The following COL8A2 variants were observed in gnomAD, a reference collection of about 807,000 sequenced individuals.
The protein encoded by COL8A2 is collagen type VIII alpha 2 chain.
In COL8A2, 16 loss-of-function variants were observed where a neutral mutation model predicts 24.0. The observed-to-expected ratio is 0.67, with a 90% confidence interval of 0.45 to 1.01. The LOEUF is 1.01. COL8A2 is among the 50% of genes least tolerant of loss of function. The pLI, the probability that COL8A2 is intolerant of heterozygous loss-of-function variation, is 0.00. For synonymous variants in COL8A2, 466 were observed against 424.5 expected (o/e 1.10, Z -1.20); for missense variants, 818 against 942.4 (o/e 0.87, Z 1.73).
intron 2 of COL8A2, among the ~76,000 whole-genome samples, chr1:36,100,789 T>G (rs1200402885): frequency 6.6e-6 from 1 of 152,050 alleles, no homozygotes; most frequent in Non-Finnish European, 1.5e-5. Flanking sequence ...GGGATTTGTC[T>G]TAGGTCTGTC....
At chr1:36,114,315 T>C (rs1289551128) in intron 2 of COL8A2, among the ~76,000 whole-genome samples, 1 of 59,140 alleles carries the variant, frequency 1.7e-5, no homozygotes, top group Non-Finnish European at 3.1e-5. Context: ...CGAGACTCCA[T>C]CTCAAAAAAA....
At chr1:36,109,142 G>A (rs1279218108) in intron 2 of COL8A2, among the ~76,000 whole-genome samples, 1 of 152,208 alleles carries the variant, frequency 6.6e-6, no homozygotes, top group Admixed American at 6.5e-5. Context: ...GGGAGCGGTG[G>A]GGGCACTCAG....
chr1:36,098,204 C>T lies in COL8A2; in HGVS notation c.1477G>A (p.Gly493Arg). 6.5e-7 allele frequency: 1 copy of T among 1,538,878 alleles called. No homozygotes were observed. Among genetic ancestry groups the T allele is most frequent in the Non-Finnish European group, 8.7e-7 (1 of 1,143,524 alleles). ...KGEPGLPGPPGEGRAGEPGTA... is the reference protein window; with the variant it reads ...KGEPGLPGPPREGRAGEPGTA... ...CCAGGTTCCCCTGCTCTCCCCTCTC[C>T]AGGGGGCCCTGGCAGGCCTGGTTCC... is the stretch of plus-strand genomic sequence containing the variant. Residue 493 changes from glycine to arginine, a missense_variant, in exon 4 of 4, where the codon GGA becomes AGA. Physicochemically the swap from Gly to Arg is moderately radical, Grantham distance 125. Coordinates refer to ENST00000397799, the MANE Select transcript of COL8A2 (RefSeq NM_005202.4).
chr1:36,097,879 C>G lies in COL8A2; in HGVS notation c.1802G>C (p.Gly601Ala), dbSNP rs780560468. The change falls in exon 4 of 4, where the codon GGC (glycine) becomes GCC (alanine). Residue 601 changes from glycine to alanine, a missense_variant. Physicochemically the swap from Gly to Ala is moderately conservative, Grantham distance 60 (BLOSUM62 0). This residue lies in a region of COL8A2 where 235 missense variants were observed against 297.3 expected (regional missense o/e 0.79). Coordinates refer to ENST00000397799, the MANE Select transcript of COL8A2 (RefSeq NM_005202.4). ...PVKFDRTLYNGHSGYNPATGI... is the reference protein window; with the variant it reads ...PVKFDRTLYNAHSGYNPATGI... ...AGTGGCTGGGTTGTAGCCGCTGTGG[C>G]CATTGTAGAGAGTCCGGTCAAATTT... 2.0e-5 allele frequency: 33 copies of G among 1,612,436 alleles called. No homozygotes were observed. The African/African-American group carries it at 2.9e-4, about 14-fold the overall frequency.
intron 2 of COL8A2, among the ~76,000 whole-genome samples, chr1:36,109,390 C>G (rs561981996): frequency 1.2e-4 from 19 of 152,250 alleles, no homozygotes; most frequent in African/African-American, 4.3e-4. Flanking sequence ...GGCTCAGGCC[C>G]TCCCTATCAG....
intron 1 of COL8A2, among the ~76,000 whole-genome samples, chr1:36,124,818 G>A (rs1643940172): frequency 6.6e-6 from 1 of 152,130 alleles, no homozygotes. Flanking sequence ...TCGCTTCTGG[G>A]AGAGGAAGGG....
chr1:36,099,506 G>C lies in COL8A2; in HGVS notation c.194-19C>G. The C allele has an allele frequency of 6.7e-7, 1 of 1,498,158 alleles. No individual in the cohort carries two copies. Among genetic ancestry groups the C allele is most frequent in the Non-Finnish European group, 9.0e-7 (1 of 1,112,228 alleles). The allele number at this position is 1,498,158 out of a possible 1,614,324, so 92.8% of individuals were successfully genotyped here. ...GGCATTTCTGAGAAAGAAAGAGAAAGGGGCAGTCAGGGGCCTGAACTGTGG... is the reference window on the plus strand; with the variant it reads ...GGCATTTCTGAGAAAGAAAGAGAAACGGGCAGTCAGGGGCCTGAACTGTGG... On this transcript the variant is annotated intron_variant, in intron 3 of 3. Coordinates refer to ENST00000397799, the MANE Select transcript of COL8A2 (RefSeq NM_005202.4).
At chr1:36,108,561 C>A in intron 2 of COL8A2, among the ~76,000 whole-genome samples, 1 of 152,236 alleles carries the variant, frequency 6.6e-6, no homozygotes, top group East Asian at 1.9e-4. Context: ...GCTGCAAGTC[C>A]TTAACGGGGA....
At chr1:36,110,895 G>A (rs1392423689) in intron 2 of COL8A2, among the ~76,000 whole-genome samples, 1 of 152,176 alleles carries the variant, frequency 6.6e-6, no homozygotes, top group African/African-American at 2.4e-5. Flanking sequence ...CTCAGGACTA[G>A]GAATGAGTTA....
At position 36,099,230 on chromosome 1, in the gene COL8A2, C is replaced by G; in HGVS notation, c.451G>C (p.Asp151His). Residue 151 changes from aspartate (D) to histidine (H), a missense_variant, in exon 4 of 4, where the codon GAC becomes CAC. Physicochemically the swap from Asp to His is moderately conservative, Grantham distance 81 (BLOSUM62 -1). Transcript: ENST00000397799. ...GLRGEPGIRG[D>H]QGLRGPPGPP... ...CCTGGGGGTCCCCGGAGGCCCTGGT[C>G]CCCTCGTATTCCTGGCTCCCCCCGA... is the stretch of plus-strand genomic sequence containing the variant. 6.5e-7 allele frequency: 1 copy of G among 1,544,966 alleles called. No homozygotes were observed. Among genetic ancestry groups the G allele is most frequent in the Non-Finnish European group, 8.7e-7 (1 of 1,144,534 alleles).
intron 1 of COL8A2, among the ~76,000 whole-genome samples, chr1:36,117,754 G>C (rs1043186786): frequency 2.0e-5 from 3 of 151,982 alleles, no homozygotes; most frequent in Non-Finnish European, 4.4e-5. Context: ...GCTGGGCACA[G>C]TGGCTCACAC....
intron 2 of COL8A2, among the ~76,000 whole-genome samples, chr1:36,112,590 A>C (rs1643858430): frequency 6.6e-6 from 1 of 151,444 alleles, no homozygotes; most frequent in African/African-American, 2.4e-5. Context: ...TTCCCCCAAA[A>C]CTCAGCCCAG....
intron 2 of COL8A2, among the ~76,000 whole-genome samples, chr1:36,109,068 G>T (rs1643801810): frequency 6.6e-6 from 1 of 152,206 alleles, no homozygotes; most frequent in Admixed American, 6.5e-5. Context: ...ATGAAACGCA[G>T]CCCTGCGCAG....
At chr1:36,107,942 A>G (rs1570042312) in intron 2 of COL8A2, among the ~76,000 whole-genome samples, 1 of 152,196 alleles carries the variant, frequency 6.6e-6, no homozygotes, top group East Asian at 1.9e-4. Flanking sequence ...GGTCCCCGTC[A>G]TCGCTCTTGT....
chr1:36,100,736 C>T (rs1273771270), intron 2 of COL8A2, among the ~76,000 whole-genome samples: 4 of 152,078 alleles, frequency 2.6e-5, no homozygotes, highest in Non-Finnish European at 5.9e-5. Flanking sequence ...CTCCATTTTC[C>T]AGATGATAAA....
chr1:36,120,899 G>A (rs1375161885), intron 1 of COL8A2, among the ~76,000 whole-genome samples: 1 of 151,712 alleles, frequency 6.6e-6, no homozygotes, highest in Non-Finnish European at 1.5e-5. Context: ...GACCAGCCTG[G>A]CCAACATGGT....
In COL8A2 at chr1:36,097,563, C is replaced by A. The variant is rs766775820; in HGVS notation, c.*6G>T. 3.1e-6 allele frequency: 5 copies of A among 1,598,646 alleles called. No individual in the cohort carries two copies. The highest frequency in any genetic ancestry group is 2.6e-6 in the Non-Finnish European group (3 of 1,170,088). ...GAGGCCAGGGCAGCAGGACCCCCCC[C>A]GCGGGTTATGTGGGGCAGAGCAAGA... is the stretch of plus-strand genomic sequence containing the variant. On this transcript the variant is annotated 3_prime_UTR_variant, in exon 4 of 4. Transcript: ENST00000397799.
At chr1:36,118,686 C>A (rs373121832) in intron 1 of COL8A2, among the ~76,000 whole-genome samples, 17 of 150,130 alleles carry the variant, frequency 1.1e-4, no homozygotes, top group South Asian at 4.4e-4. Context: ...CCCCGCCCCC[C>A]ACCCCCAACC....
intron 2 of COL8A2, among the ~76,000 whole-genome samples, 168 bp from the exon 3 acceptor site, chr1:36,100,426 G>C (rs567489591): frequency 6.6e-6 from 1 of 152,132 alleles, no homozygotes; most frequent in African/African-American, 2.4e-5. Context: ...TCAAAGTCGC[G>C]GGGGTCTGCA....
Sources: allele counts gnomAD v4.1 joint callset (sites outside exome capture counted in the v4.1 genomes callset), GRCh38; gene constraint gnomAD v4.1.1; regional missense constraint gnomAD v4.1.1; transcripts MANE v1.5; gene names NCBI Gene and HGNC (gene_info 2026-07-23, HGNC 2026-07-21).